The following FRMD4B variants were observed in gnomAD, a reference collection of about 807,000 sequenced individuals.
FRMD4B encodes FERM domain containing 4B.
Under a neutral mutation model 141.5 loss-of-function variants are expected in FRMD4B, and 74 were observed. The ratio of observed to expected loss-of-function variants is 0.52; its 90% confidence interval spans 0.43 to 0.63. The LOEUF is 0.63. Ranked by LOEUF, FRMD4B falls within the 30% of genes least tolerant of loss-of-function variation. FRMD4B has a pLI of 0.00. For synonymous variants in FRMD4B, 506 were observed against 467.9 expected, an observed-to-expected ratio of 1.08 and a Z score of -1.05; for missense variants, 1,366 against 1,253.4, an observed-to-expected ratio of 1.09 and a Z score of -1.36.
At chr3:69,251,446 G>T (rs192373958) in intron 5 of FRMD4B, among the ~76,000 whole-genome samples, 6 of 152,180 alleles carry the variant, frequency 3.9e-5, no homozygotes, top group East Asian at 1.9e-4. Context: ...TTTGAAGAGG[G>T]TTCTCAAAAA....
At chr3:69,370,764 C>T (rs1703801672) in intron 1 of FRMD4B, among the ~76,000 whole-genome samples, 1 of 152,194 alleles carries the variant, frequency 6.6e-6, no homozygotes, top group African/African-American at 2.4e-5. Flanking sequence ...GCTGCCTCTA[C>T]CCTTGCCCGG....
intron 1 of FRMD4B, chr3:69,536,356 T>C: frequency 1.5e-6 from 1 of 683,680 alleles, no homozygotes; most frequent in African/African-American, 1.8e-5. Context: ...TGCTTCGGAG[T>C]TGAGGGGCCT....
chr3:69,467,516 C>T (rs1705813232), intron 1 of FRMD4B, among the ~76,000 whole-genome samples: 1 of 152,212 alleles, frequency 6.6e-6, no homozygotes, highest in African/African-American at 2.4e-5. Context: ...TTCCCCAAAT[C>T]AAGCTTCCCT....
intron 4 of FRMD4B, among the ~76,000 whole-genome samples, chr3:69,297,711 G>C (rs1460266606): frequency 6.6e-6 from 1 of 152,072 alleles, no homozygotes; most frequent in Non-Finnish European, 1.5e-5. Flanking sequence ...GCATTACCAA[G>C]AGGCTCATAT....
chr3:69,383,719 C>T (rs1023883137), intron 1 of FRMD4B, among the ~76,000 whole-genome samples: 3 of 152,044 alleles, frequency 2.0e-5, no homozygotes, highest in African/African-American at 7.2e-5. Flanking sequence ...GACGCTATAC[C>T]TGGCTGATTT....
chr3:69,414,951 C>T (rs762580689), intron 2 of FRMD4B, among the ~76,000 whole-genome samples: 5 of 150,864 alleles, frequency 3.3e-5, no homozygotes, highest in Non-Finnish European at 7.4e-5. Flanking sequence ...CTGCAACCTC[C>T]GCCTCCCGGG....
chr3:69,337,554 T>C (rs1468569408), intron 1 of FRMD4B, among the ~76,000 whole-genome samples: 4 of 152,056 alleles, frequency 2.6e-5, no homozygotes, highest in Non-Finnish European at 4.4e-5. Flanking sequence ...TGCATCCTAC[T>C]CATCTGACAA....
chr3:69,442,010 T>C (rs1705350680), intron 1 of FRMD4B, among the ~76,000 whole-genome samples: 1 of 152,132 alleles, frequency 6.6e-6, no homozygotes, highest in African/African-American at 2.4e-5. Context: ...TTTGCATAAA[T>C]CCAGAAACCA....
At chr3:69,333,749 C>A (rs1575739886) in intron 1 of FRMD4B, among the ~76,000 whole-genome samples, 1 of 152,190 alleles carries the variant, frequency 6.6e-6, no homozygotes, top group Non-Finnish European at 1.5e-5. Flanking sequence ...CTGGCTTCAT[C>A]CATTGTCTTG....
At chr3:69,538,234 C>T (rs1701114143) in intron 1 of FRMD4B, among the ~76,000 whole-genome samples, 1 of 152,178 alleles carries the variant, frequency 6.6e-6, no homozygotes, top group South Asian at 2.1e-4. Context: ...CACTGTTTAG[C>T]CCTAAGCAAG....
intron 11 of FRMD4B, among the ~76,000 whole-genome samples, chr3:69,204,564 A>G (rs567045594): frequency 6.6e-6 from 1 of 152,228 alleles, no homozygotes; most frequent in East Asian, 1.9e-4. Context: ...TTCTTTTTTC[A>G]TTTTGAAAGA....
chr3:69,339,976 G>A (rs1406414077), intron 1 of FRMD4B, among the ~76,000 whole-genome samples: 1 of 151,848 alleles, frequency 6.6e-6, no homozygotes, highest in Non-Finnish European at 1.5e-5. Flanking sequence ...GCCCTGCACT[G>A]CCTCATTCCT....
intron 7 of FRMD4B, among the ~76,000 whole-genome samples, chr3:69,236,254 A>C (rs1323211824): frequency 1.4e-5 from 2 of 141,194 alleles, no homozygotes; most frequent in Admixed American, 1.5e-4. Flanking sequence ...TCCGAGATGG[A>C]GTCTCGCTCT....
At chr3:69,200,810 A>C in intron 11 of FRMD4B, 1 of 548,664 alleles carries the variant, frequency 1.8e-6, no homozygotes, top group Non-Finnish European at 3.2e-6. Context: ...TAGTTTACTC[A>C]CCCTGGACAT....
chr3:69,446,187 C>T (rs1222706062), intron 1 of FRMD4B, among the ~76,000 whole-genome samples: 1 of 151,808 alleles, frequency 6.6e-6, no homozygotes. Flanking sequence ...ACCACCATGC[C>T]TGGCTAATTT....
At chr3:69,351,264 G>A (rs905475401) in intron 1 of FRMD4B, among the ~76,000 whole-genome samples, 3 of 152,042 alleles carry the variant, frequency 2.0e-5, no homozygotes, top group Admixed American at 6.6e-5. Flanking sequence ...ATTTTTTCTA[G>A]TTTTCCAACA....
intron 1 of FRMD4B, among the ~76,000 whole-genome samples, chr3:69,436,788 T>A (rs1705267371): frequency 6.6e-6 from 1 of 152,232 alleles, no homozygotes; most frequent in Non-Finnish European, 1.5e-5. Context: ...GATTCTGATA[T>A]ATGTTACAAC....
At chr3:69,266,751 T>C (rs546760852) in intron 5 of FRMD4B, among the ~76,000 whole-genome samples, 1 of 152,350 alleles carries the variant, frequency 6.6e-6, no homozygotes, top group African/African-American at 2.4e-5. Flanking sequence ...ACCATAGTAC[T>C]AACTGACTTA....
At chr3:69,472,938 CTTTTTTTTT>C (rs71618285) in intron 1 of FRMD4B, among the ~76,000 whole-genome samples, 1 of 108,330 alleles carries the variant, frequency 9.2e-6, no homozygotes, top group Non-Finnish European at 1.8e-5. Context: ...TTTTTTTTTT[CTTTTTTTTT>C]TTTTTTGGCT....
Sources: gnomAD v4.1 joint callset for allele counts (sites outside exome capture counted in the v4.1 genomes callset) on GRCh38, gnomAD v4.1.1 for gene constraint, MANE v1.5 for transcripts, NCBI Gene and HGNC (gene_info 2026-07-23, HGNC 2026-07-21) for gene names.